WWP2: variants seen among roughly 807,000 people sequenced by gnomAD.
WWP2 encodes the protein NEDD4-like E3 ubiquitin-protein ligase WWP2.
A neutral mutation model predicts 121.0 loss-of-function variants in WWP2; 57 were observed. The ratio of observed to expected loss-of-function variants is 0.47; its 90% CI spans 0.38 to 0.59. The LOEUF is 0.59. WWP2 is among the 20% of genes least tolerant of loss of function. The pLI is 0.00. For synonymous variants in WWP2, 449 were observed against 441.3 expected (o/e 1.02, Z -0.22); for missense variants, 962 against 1,158.9 (o/e 0.83, Z 2.47).
At chr16:69,841,924 T>C (rs1379665344) in intron 5 of WWP2, 100 bp from the exon 6 acceptor site, 6 of 1,227,074 alleles carry the variant, frequency 4.9e-6, no homozygotes, top group Non-Finnish European at 6.9e-6. Context: ...GGTGGGCAAC[T>C]CTAACACACA....
chr16:69,886,538 T>C (rs1174394358), intron 7 of WWP2, among the ~76,000 whole-genome samples: 3 of 151,858 alleles, frequency 2.0e-5, no homozygotes, highest in Non-Finnish European at 4.4e-5. Flanking sequence ...AGTGGGCATA[T>C]CACTTGAGGC....
chr16:69,806,974 A>G (rs967202764), intron 4 of WWP2, among the ~76,000 whole-genome samples: 1 of 149,634 alleles, frequency 6.7e-6, no homozygotes, highest in African/African-American at 2.5e-5. Flanking sequence ...TCATTCATTC[A>G]TTCATTCATT....
intron 8 of WWP2, among the ~76,000 whole-genome samples, chr16:69,895,685 C>A (rs1039638990): frequency 5.9e-5 from 9 of 152,082 alleles, no homozygotes; most frequent in Non-Finnish European, 2.9e-5. Flanking sequence ...GCATAAGTCC[C>A]GGAAGTCGAG....
At chr16:69,856,731 G>A (rs1011650790) in intron 6 of WWP2, among the ~76,000 whole-genome samples, 6 of 151,844 alleles carry the variant, frequency 4.0e-5, no homozygotes, top group East Asian at 3.9e-4. Flanking sequence ...CTGAGATCAC[G>A]CCACTGCACT....
rs186299445 is a variant in WWP2, at chr16:69,891,285, T to A, written c.914+3036T>A. Among the ~76,000 whole-genome samples the A allele has an allele frequency of 2.0e-5, 3 of 152,298 alleles. No individual in the cohort carries two copies. In the East Asian group the frequency reaches 5.8e-4, roughly 29 times the overall value. ...GCAAGGCGGGTTATTAATTTACCCCTGGTGTTCCAGAGTCAGGGGACCAAT... is the reference window on the plus strand; with the variant it reads ...GCAAGGCGGGTTATTAATTTACCCCAGGTGTTCCAGAGTCAGGGGACCAAT... On this transcript the variant is annotated intron_variant, in intron 8 of 23. Transcript: ENST00000359154.
In WWP2 at chr16:69,937,096, C is replaced by T. The variant is rs1363247931; in HGVS notation, c.2118-22C>T. 4 of 1,612,870 alleles carry T rather than the reference C, an allele frequency of 2.5e-6. No individual in the cohort carries two copies. Among genetic ancestry groups the T allele is most frequent in the Admixed American group, 1.7e-5 (1 of 59,964 alleles). On this transcript the variant is annotated intron_variant, in intron 19 of 23. Transcript: ENST00000359154. The surrounding 1 kb of genome is among the most constrained non-coding windows in gnomAD (Gnocchi z 6.6). The stretch of plus-strand genomic sequence containing the variant: ...TGAGCAGTGGGTCTCAGACTCCACC[C>T]ATGGCTGCTCTTTGGTCTCAGGCTG...
chr16:69,906,263 A>T (rs186213195), intron 8 of WWP2, among the ~76,000 whole-genome samples: 1 of 151,908 alleles, frequency 6.6e-6, no homozygotes, highest in Non-Finnish European at 1.5e-5. Flanking sequence ...TAGTAGAGAC[A>T]GGGTTTTACT....
At chr16:69,837,237 T>A (rs2056893018) in intron 4 of WWP2, among the ~76,000 whole-genome samples, 1 of 152,146 alleles carries the variant, frequency 6.6e-6, no homozygotes, top group Admixed American at 6.5e-5. Flanking sequence ...CTGCTTTTAA[T>A]TAATTTTTTT....
intron 1 of WWP2, among the ~76,000 whole-genome samples, chr16:69,767,039 T>G (rs539088521): frequency 2.6e-4 from 39 of 151,634 alleles, no homozygotes; most frequent in Admixed American, 1.8e-3. Context: ...GGGTTTTGTT[T>G]TTTTTTTTTT....
In WWP2 at chr16:69,939,135, C is replaced by T. The variant is rs754821051; in HGVS notation, c.2440+12C>T. ...TGCCGAACTCATCGGTATGTTTTCT[C>T]TCGCCCTCTGGCGTCCTGGCTGGCA... is the stretch of plus-strand genomic sequence containing the variant. On this transcript the variant is annotated intron_variant, in intron 22 of 23. Coordinates refer to ENST00000359154, the MANE Select transcript of WWP2 (RefSeq NM_001270454.2). 1.9e-6 allele frequency: 3 copies of T among 1,590,436 alleles called. No homozygotes were observed. The highest frequency in any genetic ancestry group is 2.3e-5 in the South Asian group (2 of 88,274).
chr16:69,811,517 G>A (rs1375699580), intron 4 of WWP2, among the ~76,000 whole-genome samples: 2 of 152,130 alleles, frequency 1.3e-5, no homozygotes, highest in Non-Finnish European at 2.9e-5. Flanking sequence ...GGAGGCTGAG[G>A]TGGGAGGCCC....
chr16:69,830,198 C>T (rs7188187), intron 4 of WWP2, among the ~76,000 whole-genome samples: 124,922 of 152,100 alleles, frequency 0.82, 51,863 homozygotes, highest in Admixed American at 0.89. Flanking sequence ...CAGGCGATCT[C>T]TCTGCCTTGG....
At position 69,799,459 on chromosome 16, in the gene WWP2, G is replaced by A; in HGVS notation, c.340+164G>A. 1 of 922,968 alleles carries A rather than the reference G, an allele frequency of 1.1e-6. No homozygotes were observed. Among genetic ancestry groups the A allele is most frequent in the South Asian group, 1.8e-5 (1 of 55,150 alleles). The allele number at this position is 922,968 out of a possible 1,614,324, so 57.2% of individuals were successfully genotyped here. A position where few individuals can be genotyped will look rare whatever the true frequency, so the allele number is the denominator to read the frequency against. Reference sequence around the variant, plus strand: ...TTGGGAAGGCTGAGGGCTCCTCTCTGCCTCCACTACAGAGTTTAGCCCTCT... The same window carrying A: ...TTGGGAAGGCTGAGGGCTCCTCTCTACCTCCACTACAGAGTTTAGCCCTCT... On this transcript the variant is annotated intron_variant, in intron 4 of 23. Transcript: ENST00000359154. The surrounding 1 kb of genome is among the most constrained non-coding windows in gnomAD (Gnocchi z 4.5).
At chr16:69,788,695 T>G (rs554454591) in intron 2 of WWP2, among the ~76,000 whole-genome samples, 2 of 152,228 alleles carry the variant, frequency 1.3e-5, no homozygotes, top group Non-Finnish European at 2.9e-5. Context: ...TTATCAGCCC[T>G]TGTCCCTGTT....
rs1262877955 is a variant in WWP2, at chr16:69,939,881, C to T, written c.2554C>T (p.Gln852Ter). ...TCTTCCACCCTACAAGAGCTACGAA[C>T]AGCTGAGAGAGAAGCTGCTGTATGC... ...LDLPPYKSYEQLREKLLYAIE... is the reference protein window; with the variant it reads ...LDLPPYKSYE Residue 852 changes from glutamine to a stop codon, truncating the protein, a stop_gained, in exon 24 of 24, where the codon CAG becomes TAG. Transcript: ENST00000359154. LOFTEE classifies it high-confidence loss of function. 1 of 1,614,018 alleles carries T rather than the reference C, an allele frequency of 6.2e-7. No individual in the cohort carries two copies. The highest frequency in any genetic ancestry group is 1.7e-5 in the Admixed American group (1 of 59,996).
intron 6 of WWP2, among the ~76,000 whole-genome samples, chr16:69,844,019 A>G (rs1484216129): frequency 1.3e-5 from 2 of 152,212 alleles, no homozygotes; most frequent in Non-Finnish European, 2.9e-5. Context: ...TTGTGGGCTT[A>G]TGAGGTTGTG....
rs1465154608 is a variant in WWP2 at position 69,940,976 on chromosome 16, G to C, written c.*1036G>C. On this transcript the variant is annotated 3_prime_UTR_variant, in exon 24 of 24. Coordinates refer to ENST00000359154, the MANE Select transcript of WWP2 (RefSeq NM_001270454.2). Reference sequence around the variant, plus strand: ...AGTGGCGGGACACAGGGGTCCGGCTGTGGAGCTCCCCTGCCAGCCCCTGGA... The same window carrying C: ...AGTGGCGGGACACAGGGGTCCGGCTCTGGAGCTCCCCTGCCAGCCCCTGGA... 6.5e-6 allele frequency: 1 copy of C among 153,148 alleles called. No individual in the cohort carries two copies. Among genetic ancestry groups the C allele is most frequent in the Non-Finnish European group, 1.5e-5 (1 of 68,074 alleles). The allele number at this position is 153,148 out of a possible 1,614,324, so 9.5% of individuals were successfully genotyped here. A position where few individuals can be genotyped will look rare whatever the true frequency, so the allele number is the denominator to read the frequency against.
chr16:69,936,084 C>A, intron 18 of WWP2, 98 bp downstream of exon 18: 1 of 1,539,446 alleles, frequency 6.5e-7, no homozygotes, highest in Non-Finnish European at 8.8e-7. Flanking sequence ...GCCAGTGTGG[C>A]CCCTGAGCTC....
intron 7 of WWP2, among the ~76,000 whole-genome samples, chr16:69,887,752 C>A (rs965813176): frequency 1.3e-5 from 2 of 152,066 alleles, no homozygotes. Context: ...TCTTTTGTTG[C>A]AATAAATGTA....
Sources: gnomAD v4.1 joint callset for allele counts (sites outside exome capture counted in the v4.1 genomes callset) on GRCh38, gnomAD v4.1.1 for gene constraint, Gnocchi (gnomAD v3.1) non-coding constraint, MANE v1.5 for transcripts, NCBI Gene and HGNC (gene_info 2026-07-23, HGNC 2026-07-21) for gene names.